Variants in TMEM63C observed in about 807,000 individuals in gnomAD.
TMEM63C encodes osmosensitive cation channel TMEM63C.
TMEM63C carries 32 observed loss-of-function variants against 99.2 expected under a neutral mutation model. That is an observed-to-expected ratio of 0.32 (90% CI 0.24 to 0.43). The LOEUF (loss-of-function observed/expected upper bound fraction) is 0.43. Among genes scored for constraint, TMEM63C ranks in the 20% least tolerant of loss-of-function variants. TMEM63C has a pLI of 1.00. For missense variants in TMEM63C, 826 were observed against 1,053.0 expected (o/e 0.78, Z 2.98); for synonymous variants, 376 against 397.9 (o/e 0.94, Z 0.66).
chr14:77,240,947 CTTTTTTTT>C (rs533958957), intron 13 of TMEM63C, among the ~76,000 whole-genome samples: 1 of 67,096 alleles, frequency 1.5e-5, no homozygotes, highest in African/African-American at 3.8e-5. Flanking sequence ...TTTTTTTTTT[CTTTTTTTT>C]TTTTTTTCTT....
intron 1 of TMEM63C, among the ~76,000 whole-genome samples, chr14:77,194,921 AT>A (rs982389751): frequency 5.3e-5 from 8 of 150,754 alleles, no homozygotes; most frequent in African/African-American, 1.5e-4. Context: ...GAATGGTTTG[AT>A]TTTTTTCCCC....
chr14:77,230,641 G>T (rs74560664), intron 6 of TMEM63C, among the ~76,000 whole-genome samples: 33,047 of 152,026 alleles, frequency 0.22, 4,349 homozygotes, highest in Middle Eastern at 0.35. Flanking sequence ...ACATATGAGG[G>T]ATCTAGGCTG....
At chr14:77,224,924 T>G (rs79586516) in intron 5 of TMEM63C, among the ~76,000 whole-genome samples, 4,677 of 152,150 alleles carry the variant, frequency 0.031, 78 homozygotes, top group Middle Eastern at 0.11. Flanking sequence ...TGCCTCAGCC[T>G]CTTGAGCTGC....
chr14:77,256,500 C>G (rs1013462207), intron 23 of TMEM63C, 26 bp from the exon 24 acceptor site: 7 of 1,612,954 alleles, frequency 4.3e-6, no homozygotes, highest in Non-Finnish European at 5.9e-6. Context: ...GACCTTGCTC[C>G]TGTCCCCTGT....
At chr14:77,243,895 C>T (rs530586921) in intron 15 of TMEM63C, among the ~76,000 whole-genome samples, 107 of 152,270 alleles carry the variant, frequency 7.0e-4, no homozygotes, top group Middle Eastern at 6.8e-3. Flanking sequence ...CGTACACACA[C>T]ACACAAGTCA....
intron 1 of TMEM63C, among the ~76,000 whole-genome samples, chr14:77,210,807 G>A (rs542954272): frequency 1.3e-5 from 2 of 152,264 alleles, no homozygotes; most frequent in South Asian, 4.2e-4. Context: ...ATTAATTATT[G>A]AAGCTACTGA....
At chr14:77,255,739 A>G (rs1165486452) in intron 23 of TMEM63C, among the ~76,000 whole-genome samples, 1 of 152,242 alleles carries the variant, frequency 6.6e-6, no homozygotes, top group East Asian at 1.9e-4. Context: ...TAGGGGAATG[A>G]CAGGTGGATT....
chr14:77,189,029 A>ATGT (rs1263784787), intron 1 of TMEM63C, among the ~76,000 whole-genome samples: 134 of 152,372 alleles, frequency 8.8e-4, no homozygotes, highest in African/African-American at 3.1e-3. Context: ...CTGTATTAAC[A>ATGT]TGAATAAATT....
At chr14:77,246,587 C>A (rs1889272114) in intron 17 of TMEM63C, 22 bp from the exon 18 acceptor site, 4 of 1,608,778 alleles carry the variant, frequency 2.5e-6, no homozygotes, top group African/African-American at 1.3e-5. Flanking sequence ...AACTAACAGA[C>A]CTGCCTTGTT....
At chr14:77,202,752 T>A (rs1437898770) in intron 1 of TMEM63C, among the ~76,000 whole-genome samples, 1 of 152,148 alleles carries the variant, frequency 6.6e-6, no homozygotes, top group Non-Finnish European at 1.5e-5. Context: ...GGACATGCAT[T>A]TTGGGAGGAT....
At chr14:77,209,939 G>A (rs1330814071) in intron 1 of TMEM63C, among the ~76,000 whole-genome samples, 1 of 152,020 alleles carries the variant, frequency 6.6e-6, no homozygotes, top group Non-Finnish European at 1.5e-5. Flanking sequence ...CACAGATTCG[G>A]GACCAGCTGG....
chr14:77,226,090 G>A (rs61991636), intron 6 of TMEM63C, among the ~76,000 whole-genome samples: 16,166 of 152,180 alleles, frequency 0.11, 1,140 homozygotes, highest in African/African-American at 0.21. Context: ...TTCCCACTGC[G>A]TAGGCATACA....
At chr14:77,203,187 G>A (rs574503901) in intron 1 of TMEM63C, among the ~76,000 whole-genome samples, 11 of 152,088 alleles carry the variant, frequency 7.2e-5, no homozygotes, top group African/African-American at 2.7e-4. Context: ...AGACCAGCCC[G>A]GCCAACATAG....
chr14:77,233,591 G>C, intron 8 of TMEM63C, 91 bp downstream of exon 8: 1 of 1,356,554 alleles, frequency 7.4e-7, no homozygotes, highest in Non-Finnish European at 1.0e-6. Context: ...CATGGGCAGC[G>C]TTTTGCTGAT....
intron 1 of TMEM63C, chr14:77,201,271 A>G (rs1888297045): frequency 6.6e-6 from 1 of 152,220 alleles, no homozygotes. Context: ...TGGTCTTCTT[A>G]GGGGTCTGTG....
chr14:77,219,608 G>GC, intron 4 of TMEM63C, 31 bp downstream of exon 4: 1 of 1,610,404 alleles, frequency 6.2e-7, no homozygotes, highest in South Asian at 1.1e-5. Flanking sequence ...GTGAGCCGTT[G>GC]CCCCCTTGGG....
At chr14:77,194,174 T>G (rs1313976446) in intron 1 of TMEM63C, among the ~76,000 whole-genome samples, 1 of 152,188 alleles carries the variant, frequency 6.6e-6, no homozygotes, top group Non-Finnish European at 1.5e-5. Context: ...GTGTAGTGCA[T>G]CGGTTCAGTG....
intron 1 of TMEM63C, among the ~76,000 whole-genome samples, chr14:77,199,300 C>A (rs1441734579): frequency 1.3e-5 from 2 of 152,194 alleles, no homozygotes; most frequent in Non-Finnish European, 2.9e-5. Flanking sequence ...CTCTTCTAGT[C>A]CCAGCCCAGA....
At chr14:77,202,847 ACACACACACACACACACACG>A (rs1274199107) in intron 1 of TMEM63C, among the ~76,000 whole-genome samples, 31 of 131,338 alleles carry the variant, frequency 2.4e-4, no homozygotes, top group East Asian at 2.2e-3. Flanking sequence ...ACACACACAC[ACACACACACACACACACACG>A]CACACACACC....
Sources: allele counts gnomAD v4.1 joint callset (sites outside exome capture counted in the v4.1 genomes callset), GRCh38; gene constraint gnomAD v4.1.1; transcripts MANE v1.5; gene names NCBI Gene and HGNC (gene_info 2026-07-23, HGNC 2026-07-21).